The following WWP2 variants were observed in gnomAD, a reference collection of about 807,000 sequenced individuals.
The protein encoded by WWP2 is WW domain containing E3 ubiquitin protein ligase 2, also known as NEDD4-like E3 ubiquitin-protein ligase WWP2.
Under a neutral mutation model 121.0 loss-of-function variants are expected in WWP2, and 57 were observed. The observed-to-expected ratio is 0.47, with a 90% CI of 0.38 to 0.59. WWP2 has a LOEUF of 0.59. Among genes scored for constraint, WWP2 ranks in the 20% least tolerant of loss-of-function variants. The probability of loss-of-function intolerance (pLI) is 0.00; values close to 1 mark genes in which losing one functional copy is unlikely to be tolerated. For missense variants in WWP2, 962 were observed against 1,158.9 expected (o/e 0.83, Z 2.47); for synonymous variants, 449 against 441.3 (o/e 1.02, Z -0.22).
In WWP2 at chr16:69,855,476, A is replaced by G. The variant is rs368161973; in HGVS notation, c.575+13356A>G. On this transcript the variant is annotated intron_variant, in intron 6 of 23. Transcript: ENST00000359154. ...GGTTTCTATAATAATGCAGAATCCC[A>G]GAGTGTTCCTTTTTTCCCTTGGTTT... Among the ~76,000 whole-genome samples the G allele has an allele frequency of 2.0e-5, 3 of 152,214 alleles. No homozygotes were observed. In the East Asian group the frequency reaches 5.8e-4, roughly 29 times the overall value.
chr16:69,843,245 A>T (rs772233918), intron 6 of WWP2, among the ~76,000 whole-genome samples: 10 of 151,622 alleles, frequency 6.6e-5, no homozygotes, highest in Admixed American at 2.0e-4. Flanking sequence ...GTTGGTTAAG[A>T]CCTCCTACGC....
At chr16:69,830,880 A>C (rs1361184222) in intron 4 of WWP2, among the ~76,000 whole-genome samples, 1 of 152,198 alleles carries the variant, frequency 6.6e-6, no homozygotes, top group Non-Finnish European at 1.5e-5. Context: ...TCTGAGTTTC[A>C]GGGAACTGGG....
At chr16:69,914,406 A>C (rs2058448826) in intron 9 of WWP2, among the ~76,000 whole-genome samples, 1 of 122,592 alleles carries the variant, frequency 8.2e-6, no homozygotes, top group African/African-American at 3.5e-5. Context: ...AAGGATCAGG[A>C]ACCAAGAGTG....
intron 8 of WWP2, among the ~76,000 whole-genome samples, chr16:69,904,238 T>C (rs2058252207): frequency 6.6e-6 from 1 of 152,240 alleles, no homozygotes; most frequent in Non-Finnish European, 1.5e-5. Context: ...GTCGGCTGTC[T>C]TCTGTGCTAG....
chr16:69,896,923 T>C (rs751646868), intron 8 of WWP2, among the ~76,000 whole-genome samples: 4 of 152,154 alleles, frequency 2.6e-5, no homozygotes, highest in Non-Finnish European at 5.9e-5. Flanking sequence ...GATACACGTA[T>C]AACACACATC....
At chr16:69,831,231 T>C (rs1039838396) in intron 4 of WWP2, among the ~76,000 whole-genome samples, 2 of 152,232 alleles carry the variant, frequency 1.3e-5, no homozygotes, top group Non-Finnish European at 2.9e-5. Flanking sequence ...AATCCTATCA[T>C]TTGTATTCTG....
At chr16:69,772,125 C>T (rs945754462) in intron 1 of WWP2, among the ~76,000 whole-genome samples, 5 of 151,618 alleles carry the variant, frequency 3.3e-5, no homozygotes, top group Non-Finnish European at 2.9e-5. Flanking sequence ...CTACACCTGG[C>T]TAATTTTGTA....
At chr16:69,891,073 C>G (rs528936686) in intron 8 of WWP2, among the ~76,000 whole-genome samples, 1 of 152,160 alleles carries the variant, frequency 6.6e-6, no homozygotes, top group South Asian at 2.1e-4. Context: ...TGGGCTGACT[C>G]GGGGCCTGGA....
At chr16:69,850,386 CAA>C (rs575466932) in intron 6 of WWP2, among the ~76,000 whole-genome samples, 13 of 118,516 alleles carry the variant, frequency 1.1e-4, no homozygotes, top group Admixed American at 1.8e-4. Flanking sequence ...GACTCCATCT[CAA>C]AAAAAAAAAA....
chr16:69,877,711 G>A (rs1259778047), intron 7 of WWP2, among the ~76,000 whole-genome samples: 1 of 151,532 alleles, frequency 6.6e-6, no homozygotes, highest in Non-Finnish European at 1.5e-5. Context: ...AACACTTAGA[G>A]GCCAATGTAG....
chr16:69,844,568 C>T (rs979659279), intron 6 of WWP2, among the ~76,000 whole-genome samples: 3 of 152,174 alleles, frequency 2.0e-5, no homozygotes, highest in Non-Finnish European at 4.4e-5. Context: ...TCTAGTTGAT[C>T]GACCTTGAAA....
intron 1 of WWP2, among the ~76,000 whole-genome samples, chr16:69,781,536 A>C (rs1030422493): frequency 6.6e-6 from 1 of 151,564 alleles, no homozygotes; most frequent in Non-Finnish European, 1.5e-5. Context: ...TTTTGGAGAG[A>C]TGGAGTTTGA....
chr16:69,795,504 A>G (rs1012254605), intron 2 of WWP2, among the ~76,000 whole-genome samples: 6 of 152,172 alleles, frequency 3.9e-5, no homozygotes, highest in African/African-American at 7.2e-5. Flanking sequence ...CATTTTCGTC[A>G]TCATGGAAGT....
intron 9 of WWP2, among the ~76,000 whole-genome samples, chr16:69,912,301 C>A (rs2362644): frequency 0.73 from 106,447 of 145,372 alleles, 39,617 homozygotes; most frequent in East Asian, 0.96. Context: ...CAAAAAAAAA[C>A]AAAACAAAAC....
At chr16:69,928,835 C>A (rs935311257) in intron 11 of WWP2, among the ~76,000 whole-genome samples, 1 of 152,142 alleles carries the variant, frequency 6.6e-6, no homozygotes, top group Non-Finnish European at 1.5e-5. Context: ...TGCTTATAAG[C>A]AAGAAAGAGG....
intron 2 of WWP2, among the ~76,000 whole-genome samples, chr16:69,797,541 T>C (rs1025345105): frequency 1.3e-5 from 2 of 152,050 alleles, no homozygotes; most frequent in Admixed American, 6.6e-5. Context: ...TGGCAGAGGG[T>C]CTTTAATAAG....
At chr16:69,843,812 T>A (rs187260178) in intron 6 of WWP2, among the ~76,000 whole-genome samples, 112 of 152,184 alleles carry the variant, frequency 7.4e-4, no homozygotes, top group African/African-American at 2.5e-3. Context: ...GAGGCTGCAC[T>A]GAGCTAGCAT....
chr16:69,848,895 T>A (rs770527275), intron 6 of WWP2, among the ~76,000 whole-genome samples: 2 of 152,188 alleles, frequency 1.3e-5, no homozygotes, highest in Non-Finnish European at 2.9e-5. Flanking sequence ...GTGATTTTTT[T>A]ACATGGAAAA....
At chr16:69,805,779 CT>C (rs77530869) in intron 4 of WWP2, among the ~76,000 whole-genome samples, 3,391 of 130,536 alleles carry the variant, frequency 0.026, 59 homozygotes, top group African/African-American at 0.054. Flanking sequence ...AATTTTTTTT[CT>C]TTTTTTTTTT....
Sources: gnomAD v4.1 joint callset for allele counts (sites outside exome capture counted in the v4.1 genomes callset) on GRCh38, gnomAD v4.1.1 for gene constraint, MANE v1.5 for transcripts, NCBI Gene and HGNC (gene_info 2026-07-23, HGNC 2026-07-21) for gene names.